Variants in HDGFL2 observed in about 807,000 individuals in gnomAD.
HDGFL2 encodes hepatoma-derived growth factor-related protein 2.
A neutral mutation model predicts 77.1 loss-of-function variants in HDGFL2; 36 were observed. The ratio of observed to expected loss-of-function variants is 0.47; its 90% CI spans 0.36 to 0.62. HDGFL2 has a LOEUF of 0.62. Among genes scored for constraint, HDGFL2 ranks in the 20% least tolerant of loss-of-function variants. The probability of loss-of-function intolerance (pLI) is 0.00; values close to 1 mark genes in which losing one functional copy is unlikely to be tolerated. For synonymous variants in HDGFL2, 463 were observed against 413.1 expected (o/e 1.12, Z -1.46); for missense variants, 976 against 973.4 (o/e 1.00, Z -0.04).
intron 3 of HDGFL2, among the ~76,000 whole-genome samples, chr19:4,486,872 C>T (rs574514374): frequency 6.6e-6 from 1 of 152,276 alleles, no homozygotes; most frequent in South Asian, 2.1e-4. Context: ...GCCGCTAGCT[C>T]CTACCCCTTC....
intron 2 of HDGFL2, 42 bp from the exon 3 acceptor site, chr19:4,475,403 G>A: frequency 6.2e-7 from 1 of 1,613,914 alleles, no homozygotes; most frequent in Non-Finnish European, 8.5e-7. Context: ...CTCCCGGGGT[G>A]GCCTCACTCA....
chr19:4,497,439 C>A, intron 10 of HDGFL2: 2 of 227,316 alleles, frequency 8.8e-6, no homozygotes, highest in East Asian at 1.4e-4. Flanking sequence ...ACTCATGATC[C>A]CCCCGCCTCG....
At chr19:4,499,346 A>G (rs1452400160) in intron 13 of HDGFL2, 145 bp from the exon 14 acceptor site, 3 of 196,890 alleles carry the variant, frequency 1.5e-5, no homozygotes, top group African/African-American at 1.5e-4. Flanking sequence ...ACTCTGTCTC[A>G]AAAAAAAAAA....
At chr19:4,491,232 A>G in intron 4 of HDGFL2, among the ~76,000 whole-genome samples, 1 of 137,532 alleles carries the variant, frequency 7.3e-6, no homozygotes, top group Admixed American at 7.2e-5. Flanking sequence ...CTGTCCCATG[A>G]AACACTCACT....
At chr19:4,473,019 C>G (rs1974984899) in intron 1 of HDGFL2, among the ~76,000 whole-genome samples, 2 of 147,082 alleles carry the variant, frequency 1.4e-5, no homozygotes, top group Admixed American at 1.4e-4. Flanking sequence ...CCCTGGGAGT[C>G]TGGGGGTATC....
chr19:4,486,636 G>A (rs1271285998), intron 3 of HDGFL2, among the ~76,000 whole-genome samples: 3 of 151,930 alleles, frequency 2.0e-5, no homozygotes, highest in African/African-American at 4.8e-5. Flanking sequence ...TCAAGAGATT[G>A]AGATCATCCT....
chr19:4,478,904 C>T (rs1166834582), intron 3 of HDGFL2, among the ~76,000 whole-genome samples: 5 of 150,976 alleles, frequency 3.3e-5, no homozygotes, highest in African/African-American at 4.9e-5. Flanking sequence ...AGGCTGGTCT[C>T]GAACTCCTGA....
chr19:4,501,930 G>C lies in HDGFL2; in HGVS notation c.1936G>C (p.Asp646His), dbSNP rs778394624. 1 of 1,483,188 alleles carries C rather than the reference G, an allele frequency of 6.7e-7. No individual in the cohort carries two copies. Among genetic ancestry groups the C allele is most frequent in the Admixed American group, 2.8e-5 (1 of 35,960 alleles). The allele number at this position is 1,483,188 out of a possible 1,614,324, so 91.9% of individuals were successfully genotyped here. ...CACCAGCAGCGTACGGGAGGGTCCC[G>C]ACCTGGACAGGCCTGGGAGCGACCG... ...DLHDSVREGP[D>H]LDRPGSDRQE... Residue 646 changes from aspartate to histidine, a missense_variant, in exon 16 of 16, where the codon GAC becomes CAC. Physicochemically the swap from Asp to His is moderately conservative, Grantham distance 81. Around this residue, in one of 5 missense-constraint regions of HDGFL2, gnomAD observed 229 missense variants for 187.3 expected, o/e 1.22. Coordinates refer to ENST00000616600, the MANE Select transcript of HDGFL2 (RefSeq NM_001001520.3).
rs752650962 is a variant in HDGFL2, at chr19:4,494,423, G to A, written c.1172G>A (p.Arg391Gln). 2.1e-6 allele frequency: 3 copies of A among 1,407,060 alleles called. No homozygotes were observed. The highest frequency in any genetic ancestry group is 2.9e-5 in the East Asian group (1 of 34,252). 87.2% of individuals were successfully genotyped at this position (1,407,060 alleles called of 1,614,324 possible). ...AAGCGGGGACGCAAGGGCCGGGGCC[G>A]GGGTCCCCCGTCCTCCTCTGACTCC... The part of the protein sequence containing the change: ...VKKRGRKGRG[R>Q]GPPSSSDSEP... The change falls in exon 9 of 16, where the codon CGG (arginine) becomes CAG (glutamine). Residue 391 changes from arginine (R) to glutamine (Q), a missense_variant. By Grantham distance (43) the Arg-to-Gln change is conservative. This residue lies in a region of HDGFL2 where 567 missense variants were observed against 534.7 expected (regional missense o/e 1.06). Transcript: ENST00000616600.
intron 3 of HDGFL2, among the ~76,000 whole-genome samples, chr19:4,486,663 C>A (rs1975370275): frequency 6.6e-6 from 1 of 152,008 alleles, no homozygotes; most frequent in Non-Finnish European, 1.5e-5. Flanking sequence ...CATGGTGAAA[C>A]CCTGTCTCTA....
At position 4,472,404 on chromosome 19, in the gene HDGFL2, C is replaced by T. The variant is rs1270047717; in HGVS notation, c.54C>T (p.Tyr18=). ...GDLVFAKMKG[Y]PHWPARIDDI... ...TGGTGTTCGCTAAGATGAAGGGCTA[C>T]CCTCACTGGCCTGCCAGGGTGAGGC... The change falls in exon 1 of 16, where the codon TAC becomes TAT. Residue 18 remains tyrosine, a synonymous_variant. Transcript: ENST00000616600. The T allele has an allele frequency of 6.6e-7, 1 of 1,511,582 alleles. No homozygotes were observed. Among genetic ancestry groups the T allele is most frequent in the Admixed American group, 2.1e-5 (1 of 46,624 alleles). The allele number at this position is 1,511,582 out of a possible 1,614,324, so 93.6% of individuals were successfully genotyped here.
At position 4,502,104 on chromosome 19, in the gene HDGFL2, C is replaced by T. The variant is rs757858879; in HGVS notation, c.*94C>T. On this transcript the variant is annotated 3_prime_UTR_variant, in exon 16 of 16. Coordinates refer to ENST00000616600, the MANE Select transcript of HDGFL2 (RefSeq NM_001001520.3). ...GAGCAGAGCAGAGAACTGTGGGGAACGCTGTGCTGTTTGTATTTGTTCCCT... is the reference window on the plus strand; with the variant it reads ...GAGCAGAGCAGAGAACTGTGGGGAATGCTGTGCTGTTTGTATTTGTTCCCT... 60 of 888,042 alleles carry T rather than the reference C, an allele frequency of 6.8e-5. No homozygotes were observed. Among genetic ancestry groups the T allele is most frequent in the South Asian group, 3.1e-4 (22 of 70,502 alleles). 55.0% of individuals were successfully genotyped at this position (888,042 alleles called of 1,614,324 possible).
intron 9 of HDGFL2, among the ~76,000 whole-genome samples, chr19:4,495,752 C>T (rs1975685406): frequency 1.3e-5 from 2 of 152,088 alleles, no homozygotes; most frequent in African/African-American, 4.8e-5. Flanking sequence ...GTACAGCTTG[C>T]AGGTGAGCGT....
chr19:4,475,075 G>A, intron 1 of HDGFL2, 200 bp from the exon 2 acceptor site: 1 of 588,500 alleles, frequency 1.7e-6, no homozygotes. Flanking sequence ...GGGGTAGGGG[G>A]AGAGCTCTCT....
chr19:4,472,297 A>AGCCGCTACC lies in HDGFL2; in HGVS notation c.-47_-39dup, dbSNP rs1568200397. 7 of 1,348,010 alleles carry AGCCGCTACC rather than the reference A, an allele frequency of 5.2e-6. No homozygotes were observed. The highest frequency in any genetic ancestry group is 6.8e-6 in the Non-Finnish European group (7 of 1,027,554). 83.5% of individuals were successfully genotyped at this position (1,348,010 alleles called of 1,614,324 possible). ...CCGCTGCCGCCGCCGCCGCCGCCGCAGCCGCTACCGCCGCTGCAGCCGCTT... is the reference window on the plus strand; with the variant it reads ...CCGCTGCCGCCGCCGCCGCCGCCGCAGCCGCTACCGCCGCTACCGCCGCTGCAGCCGCTT... On this transcript the variant is annotated 5_prime_UTR_variant, in exon 1 of 16. Coordinates refer to ENST00000616600, the MANE Select transcript of HDGFL2 (RefSeq NM_001001520.3).
intron 1 of HDGFL2, 130 bp downstream of exon 1, chr19:4,472,552 T>C (rs1385406493): frequency 3.9e-6 from 2 of 513,354 alleles, no homozygotes; most frequent in African/African-American, 4.8e-5. Context: ...GGGTCTGGGG[T>C]TCATGGGGTC....
At chr19:4,487,302 T>C (rs1428458060) in intron 3 of HDGFL2, among the ~76,000 whole-genome samples, 3 of 149,922 alleles carry the variant, frequency 2.0e-5, no homozygotes, top group Non-Finnish European at 3.0e-5. Flanking sequence ...TATCACTCAG[T>C]CTGGAGTGCA....
chr19:4,475,695 C>T lies in HDGFL2; in HGVS notation c.288+112C>T, dbSNP rs1035009655. The T allele has an allele frequency of 3.8e-6, 5 of 1,322,582 alleles. No homozygotes were observed. In the South Asian group the frequency reaches 8.1e-5, roughly 21 times the overall value. The allele number at this position is 1,322,582 out of a possible 1,614,324, so 81.9% of individuals were successfully genotyped here. On this transcript the variant is annotated intron_variant, in intron 3 of 15. Coordinates refer to ENST00000616600, the MANE Select transcript of HDGFL2 (RefSeq NM_001001520.3). ...TGGACACATGGGGCTCGATCGTTCC[C>T]TGTGGTGGGGCATTCTGGGCCCTGC... is the stretch of plus-strand genomic sequence containing the variant.
intron 10 of HDGFL2, chr19:4,497,628 G>A (rs1055178192): frequency 2.3e-5 from 9 of 387,370 alleles, no homozygotes; most frequent in East Asian, 5.5e-5. Context: ...TCTCCTGCAC[G>A]CGTGTCACCC....
Sources: gnomAD v4.1 joint callset for allele counts (sites outside exome capture counted in the v4.1 genomes callset) on GRCh38, gnomAD v4.1.1 for gene constraint, gnomAD v4.1.1 regional missense constraint, MANE v1.5 for transcripts, NCBI Gene and HGNC (gene_info 2026-07-23, HGNC 2026-07-21) for gene names.